CACNA1A: variants seen among roughly 807,000 people sequenced by gnomAD.
CACNA1A encodes voltage-dependent P/Q-type calcium channel subunit alpha-1A.
CACNA1A carries 57 observed loss-of-function variants against 262.4 expected under a neutral mutation model. The observed-to-expected ratio is 0.22, with a 90% CI of 0.18 to 0.27. CACNA1A has a LOEUF of 0.27. Among genes scored for constraint, CACNA1A ranks in the 10% least tolerant of loss-of-function variants. The probability of loss-of-function intolerance (pLI) is 1.00; values close to 1 mark genes in which losing one functional copy is unlikely to be tolerated. For missense variants in CACNA1A, 2,526 were observed against 3,562.8 expected (o/e 0.71, Z 7.41); for synonymous variants, 1,431 against 1,419.3 (o/e 1.01, Z -0.18).
chr19:13,499,447 T>TCG (rs1555795929), intron 1 of CACNA1A, among the ~76,000 whole-genome samples: 2 of 87,678 alleles, frequency 2.3e-5, no homozygotes, highest in South Asian at 9.2e-4. Flanking sequence ...TCGCAGGGGG[T>TCG]GGTGGGGGGG....
At chr19:13,409,017 C>T (rs2060061831) in intron 3 of CACNA1A, among the ~76,000 whole-genome samples, 1 of 152,196 alleles carries the variant, frequency 6.6e-6, no homozygotes, top group Admixed American at 6.5e-5. Flanking sequence ...CGTGACATAG[C>T]CTGGCTCGTG....
Position 13,259,585 on chromosome 19 carries a change from G to A in CACNA1A, c.4367C>T (p.Ser1456Phe). ...LWALLTLFTV[S>F]TGEGWPQVLK... ...TTACTGTGGCCAGCCTTCTCCCGTG[G>A]ACACGGTGAAGAGGGTCAGCAGAGC... Residue 1456 changes from serine to phenylalanine, a missense_variant, in exon 27 of 47, where the codon TCC (serine) becomes TTC (phenylalanine). Transcript: ENST00000360228. The A allele has an allele frequency of 6.2e-7, 1 of 1,608,694 alleles. No homozygotes were observed. The highest frequency in any genetic ancestry group is 8.5e-7 in the Non-Finnish European group (1 of 1,177,536).
chr19:13,358,658 G>C (rs919565151), intron 6 of CACNA1A, among the ~76,000 whole-genome samples: 1 of 152,190 alleles, frequency 6.6e-6, no homozygotes, highest in Admixed American at 6.5e-5. Context: ...GGAAGAGGAA[G>C]TAGCATGCAA....
chr19:13,455,748 T>G (rs550330034), intron 1 of CACNA1A, among the ~76,000 whole-genome samples: 1 of 151,616 alleles, frequency 6.6e-6, no homozygotes, highest in Non-Finnish European at 1.5e-5. Flanking sequence ...CAGGCACCTG[T>G]GGTCCCAGGT....
intron 3 of CACNA1A, among the ~76,000 whole-genome samples, chr19:13,404,769 TG>T (rs1191991174): frequency 6.6e-6 from 1 of 152,156 alleles, no homozygotes. Flanking sequence ...TGGGTCATGA[TG>T]CTAAACGTGA....
At chr19:13,237,060 G>A (rs954444891) in intron 31 of CACNA1A, among the ~76,000 whole-genome samples, 2 of 152,040 alleles carry the variant, frequency 1.3e-5, no homozygotes, top group Non-Finnish European at 2.9e-5. Flanking sequence ...TGGCTTTCTG[G>A]CAACCCCAGG....
intron 3 of CACNA1A, among the ~76,000 whole-genome samples, chr19:13,416,386 A>G (rs28421900): frequency 0.014 from 2,176 of 152,280 alleles, 53 homozygotes; most frequent in African/African-American, 0.049. Context: ...TACAGGCGTG[A>G]GGCACAGCAT....
Position 13,299,218 on chromosome 19 carries a change from A to C in CACNA1A, c.2415T>G (p.Ala805=). Residue 805 remains alanine, a synonymous_variant, in exon 19 of 47, where the codon GCT becomes GCG. Transcript: ENST00000360228. ...NEMDPDERWK[A]AYTRHLRPDM... ...CTGGCCGCAGGTGCCGCGTGTAGGC[A>C]GCCTTCCAGCGCTCGTCCGGGTCCA... The C allele has an allele frequency of 1.9e-6, 3 of 1,611,372 alleles. No individual in the cohort carries two copies. Among genetic ancestry groups the C allele is most frequent in the Non-Finnish European group, 2.5e-6 (3 of 1,179,862 alleles).
intron 19 of CACNA1A, among the ~76,000 whole-genome samples, chr19:13,297,853 G>T (rs1320810657): frequency 6.6e-6 from 1 of 151,438 alleles, no homozygotes; most frequent in Non-Finnish European, 1.5e-5. Context: ...TTGAGACAGA[G>T]TCTTGCTCTG....
In CACNA1A at chr19:13,430,288, C is replaced by A. The variant is rs543244810; in HGVS notation, c.539+22588G>T. Among the ~76,000 whole-genome samples the A allele has an allele frequency of 2.6e-5, 4 of 152,140 alleles. No individual in the cohort carries two copies. The East Asian group carries it at 7.7e-4, about 29-fold the overall frequency. On this transcript the variant is annotated intron_variant, in intron 3 of 46. Coordinates refer to ENST00000360228, the MANE Select transcript of CACNA1A (RefSeq NM_001127222.2). ...ATGGCATGATCTCAGCTCACTGCAA[C>A]CTCCACCTCCCGGGTTCAAGCGATT...
At chr19:13,456,216 C>T (rs2061004611) in intron 1 of CACNA1A, among the ~76,000 whole-genome samples, 1 of 151,862 alleles carries the variant, frequency 6.6e-6, no homozygotes, top group Admixed American at 6.6e-5. Flanking sequence ...AGATTTGACA[C>T]CTAATGCATG....
chr19:13,422,004 T>C (rs965422545), intron 3 of CACNA1A, among the ~76,000 whole-genome samples: 2 of 152,076 alleles, frequency 1.3e-5, no homozygotes, highest in African/African-American at 4.8e-5. Context: ...TGACAGAAAG[T>C]ATAGGATGCT....
intron 6 of CACNA1A, among the ~76,000 whole-genome samples, chr19:13,350,267 G>A (rs2058883021): frequency 6.6e-6 from 1 of 152,154 alleles, no homozygotes; most frequent in Admixed American, 6.5e-5. Context: ...AACTGGTTGT[G>A]ATGGGGGCTG....
In CACNA1A at chr19:13,365,450, C is replaced by T. The variant is rs370688277; in HGVS notation, c.651G>A (p.Lys217=). ...AAGGGATCATCGCCTTCATGATCGACTTCAGGACGACTTGTAAACCTGGGG... is the reference window on the plus strand; with the variant it reads ...AAGGGATCATCGCCTTCATGATCGATTTCAGGACGACTTGTAAACCTGGGG... ...SGIPSLQVVL[K]SIMKAMIPLL... The change falls in exon 5 of 47, where the codon AAG becomes AAA. Residue 217 remains lysine (K), a synonymous_variant. Transcript: ENST00000360228. 1.2e-6 allele frequency: 2 copies of T among 1,613,672 alleles called. No homozygotes were observed. The highest frequency in any genetic ancestry group is 2.7e-5 in the African/African-American group (2 of 74,894).
intron 31 of CACNA1A, among the ~76,000 whole-genome samples, chr19:13,238,876 C>A (rs889202122): frequency 6.6e-6 from 1 of 151,952 alleles, no homozygotes; most frequent in Non-Finnish European, 1.5e-5. Flanking sequence ...CTTGAGTCAC[C>A]GTGCTCAGCC....
At chr19:13,478,223 G>A (rs1217597843) in intron 1 of CACNA1A, among the ~76,000 whole-genome samples, 1 of 152,166 alleles carries the variant, frequency 6.6e-6, no homozygotes, top group Non-Finnish European at 1.5e-5. Flanking sequence ...TGAAAGAAAT[G>A]GGGTGAAGTC....
Position 13,299,017 on chromosome 19 carries a change from G to T in CACNA1A, c.2616C>A (p.Ser872Arg), listed in dbSNP as rs756439860. 3 of 1,588,650 alleles carry T rather than the reference G, an allele frequency of 1.9e-6. No individual in the cohort carries two copies. The highest frequency in any genetic ancestry group is 2.3e-5 in the East Asian group (1 of 44,264). ...ARYHDRARDP[S>R]GSAGLDARRP... Reference sequence around the variant, plus strand: ...TCCGTGCGTCCAGGCCCGCCGAGCCGCTGGGGTCCCGGGCCCGATCGTGGT... The same window carrying T: ...TCCGTGCGTCCAGGCCCGCCGAGCCTCTGGGGTCCCGGGCCCGATCGTGGT... Residue 872 changes from serine to arginine, a missense_variant, in exon 19 of 47, where the codon AGC becomes AGA. Around this residue, in one of 17 missense-constraint regions of CACNA1A, gnomAD observed 765 missense variants for 748.6 expected, o/e 1.02. Coordinates refer to ENST00000360228, the MANE Select transcript of CACNA1A (RefSeq NM_001127222.2).
At chr19:13,326,144 C>T (rs149959021) in intron 10 of CACNA1A, among the ~76,000 whole-genome samples, 20,771 of 151,602 alleles carry the variant, frequency 0.14, 1,976 homozygotes, top group Non-Finnish European at 0.2. Context: ...GGTGAAACCC[C>T]ATCTCTACTA....
In CACNA1A at chr19:13,249,603, C is replaced by T. The variant is rs867144869; in HGVS notation, c.4866+3388G>A. On this transcript the variant is annotated intron_variant, in intron 30 of 46. Coordinates refer to ENST00000360228, the MANE Select transcript of CACNA1A (RefSeq NM_001127222.2). ...CTCCTGGGCTCAAGCGATCCACCTG[C>T]CTCAGCCTCCCAAAGTGCTGCGATT... Among the ~76,000 whole-genome samples, 92 of 152,260 alleles carry T rather than the reference C, an allele frequency of 6.0e-4. 1 individual carries two copies. Among genetic ancestry groups the T allele is most frequent in the Middle Eastern group, 3.4e-3 (1 of 294 alleles).
Sources: gnomAD v4.1 joint callset for allele counts (sites outside exome capture counted in the v4.1 genomes callset) on GRCh38, gnomAD v4.1.1 for gene constraint, gnomAD v4.1.1 regional missense constraint, MANE v1.5 for transcripts, NCBI Gene and HGNC (gene_info 2026-07-23, HGNC 2026-07-21) for gene names.